SV2B: variants seen among roughly 807,000 people sequenced by gnomAD.
SV2B encodes synaptic vesicle glycoprotein 2B, also known as solute carrier family 22 member B2.
A neutral mutation model predicts 73.9 loss-of-function variants in SV2B; 41 were observed. That is an observed-to-expected ratio of 0.56 (90% CI 0.43 to 0.72). The LOEUF is 0.72. SV2B is among the 30% of genes least tolerant of loss of function. The pLI is 0.00. For synonymous variants in SV2B, 314 were observed against 314.2 expected, an observed-to-expected ratio of 1.00 and a Z score of 0.01; for missense variants, 764 against 857.8, an observed-to-expected ratio of 0.89 and a Z score of 1.37.
Position 91,294,264 on chromosome 15 carries a change from T to C in SV2B, c.*1712T>C, listed in dbSNP as rs1316514672. 6.6e-6 allele frequency: 1 copy of C among 152,240 alleles called. No homozygotes were observed. The highest frequency in any genetic ancestry group is 6.5e-5 in the Admixed American group (1 of 15,288). 9.4% of individuals were successfully genotyped at this position (152,240 alleles called of 1,614,324 possible). A position where few individuals can be genotyped will look rare whatever the true frequency, so the allele number is the denominator to read the frequency against. ...GCTTCGGGACATCTTTCTGTAATTT[T>C]CCTCAATTAACGGGTTGGTAGGGGT... On this transcript the variant is annotated 3_prime_UTR_variant, in exon 13 of 13. Coordinates refer to ENST00000394232, the MANE Select transcript of SV2B (RefSeq NM_001323032.3). The surrounding 1 kb of genome is among the most constrained non-coding windows in gnomAD (Gnocchi z 4.1).
At chr15:91,270,828 CCTGTGGATGATGGGG>C (rs2048273832) in intron 9 of SV2B, among the ~76,000 whole-genome samples, 4 of 115,604 alleles carry the variant, frequency 3.5e-5, no homozygotes, top group African/African-American at 1.5e-4. Flanking sequence ...GATGGTGAAT[CCTGTGGATGATGGGG>C]GGACGGTGAA....
At chr15:91,149,384 A>G (rs1417269206) in intron 1 of SV2B, among the ~76,000 whole-genome samples, 1 of 152,194 alleles carries the variant, frequency 6.6e-6, no homozygotes, top group Non-Finnish European at 1.5e-5. Flanking sequence ...TGATCCGTAA[A>G]TGCTTCTTGA....
chr15:91,125,080 GCCTTC>G (rs1171974673), intron 1 of SV2B, among the ~76,000 whole-genome samples: 3 of 152,156 alleles, frequency 2.0e-5, no homozygotes, highest in Non-Finnish European at 4.4e-5. Flanking sequence ...TGTTCACATA[GCCTTC>G]CCTTGGTGCA....
chr15:91,226,600 T>G lies in SV2B; in HGVS notation c.337T>G (p.Phe113Val). 6.2e-7 allele frequency: 1 copy of G among 1,614,182 alleles called. No homozygotes were observed. The highest frequency in any genetic ancestry group is 8.5e-7 in the Non-Finnish European group (1 of 1,180,010). The change falls in exon 2 of 13, where the codon TTC (phenylalanine) becomes GTC (valine). Residue 113 changes from phenylalanine to valine, a missense_variant. Phe to Val is a conservative substitution (Grantham distance 50, BLOSUM62 -1). Transcript: ENST00000394232. ...GHGRFQWILF[F>V]VLGLALMADG... ...TGGCCGCTTCCAGTGGATCCTCTTT[T>G]TCGTCTTGGGTTTGGCCCTGATGGC...
Position 91,139,459 on chromosome 15 carries a change from G to C in SV2B, c.-392+39096G>C, listed in dbSNP as rs537246623. ...CCACCCTTGAGCTAAAACCAGAGCTGGGAAATGGAGGCAGGGAGAGGTGTA... is the reference window on the plus strand; with the variant it reads ...CCACCCTTGAGCTAAAACCAGAGCTCGGAAATGGAGGCAGGGAGAGGTGTA... On this transcript the variant is annotated intron_variant, in intron 1 of 12. Transcript: ENST00000394232. This position sits in a 1 kb window ranked among gnomAD's most constrained non-coding sequence, Gnocchi z 5.2. Among the ~76,000 whole-genome samples, 4 of 152,168 alleles carry C rather than the reference G, an allele frequency of 2.6e-5. No homozygotes were observed. Among genetic ancestry groups the C allele is most frequent in the Non-Finnish European group, 4.4e-5 (3 of 68,030 alleles).
At chr15:91,166,765 TC>T (rs1405269891) in intron 1 of SV2B, among the ~76,000 whole-genome samples, 1 of 152,004 alleles carries the variant, frequency 6.6e-6, no homozygotes, top group Non-Finnish European at 1.5e-5. Context: ...GTTTATAATT[TC>T]AGTTATTGTA....
chr15:91,237,382 G>A (rs552332553), intron 2 of SV2B, among the ~76,000 whole-genome samples: 38 of 152,250 alleles, frequency 2.5e-4, no homozygotes, highest in South Asian at 2.1e-4. Context: ...AACCAGAAAC[G>A]TCTCCAGGTA....
chr15:91,266,545 G>A (rs2048107222), intron 6 of SV2B, 37 bp from the exon 7 acceptor site: 2 of 1,491,310 alleles, frequency 1.3e-6, no homozygotes, highest in Non-Finnish European at 1.9e-6. Flanking sequence ...ACACAAAGTG[G>A]GGTTCAAATT....
In SV2B at chr15:91,224,259, T is replaced by C. The variant is rs1469727377; in HGVS notation, c.-391-1614T>C. 1.3e-5 allele frequency among the ~76,000 whole-genome samples: 2 copies of C among 152,170 alleles called. No individual in the cohort carries two copies. Among genetic ancestry groups the C allele is most frequent in the Non-Finnish European group, 2.9e-5 (2 of 68,028 alleles). Reference sequence around the variant, plus strand: ...CTGAAAGGACAGTGGATTTCAGGTGTGACAGGGAGGCCTGTAAAGGTTGAT... The same window carrying C: ...CTGAAAGGACAGTGGATTTCAGGTGCGACAGGGAGGCCTGTAAAGGTTGAT... On this transcript the variant is annotated intron_variant, in intron 1 of 12. Transcript: ENST00000394232. The surrounding 1 kb of genome is among the most constrained non-coding windows in gnomAD (Gnocchi z 4.9).
In SV2B at chr15:91,195,304, C is replaced by T. The variant is rs150803471; in HGVS notation, c.-391-30569C>T. Among the ~76,000 whole-genome samples the T allele has an allele frequency of 3.2e-3, 491 of 152,232 alleles. 2 individuals are homozygous for T. The highest frequency in any genetic ancestry group is 0.011 in the African/African-American group (475 of 41,538). On this transcript the variant is annotated intron_variant, in intron 1 of 12. Transcript: ENST00000394232. ...TCCCGATTATGTGGGACCACAGGCA[C>T]ACACCACCATGCCCAGCTAATTTTT...
intron 4 of SV2B, among the ~76,000 whole-genome samples, chr15:91,255,386 C>A (rs1175707474): frequency 6.6e-6 from 1 of 152,082 alleles, no homozygotes; most frequent in Non-Finnish European, 1.5e-5. Flanking sequence ...AACTAAACAT[C>A]GTATGTTCTC....
Position 91,201,335 on chromosome 15 carries a change from A to G in SV2B, c.-391-24538A>G, listed in dbSNP as rs180729546. Among the ~76,000 whole-genome samples the G allele has an allele frequency of 1.2e-4, 18 of 152,298 alleles. No individual in the cohort carries two copies. In the South Asian group the frequency reaches 3.5e-3, roughly 30 times the overall value. The stretch of plus-strand genomic sequence containing the variant: ...GAGCCACTGTTCTAGATACTTTTAC[A>G]TGTATTTACTCATTTAAGCCTCATA... On this transcript the variant is annotated intron_variant, in intron 1 of 12. Transcript: ENST00000394232.
intron 12 of SV2B, among the ~76,000 whole-genome samples, chr15:91,292,111 AAAG>A (rs2049061825): frequency 6.6e-6 from 1 of 152,280 alleles, no homozygotes; most frequent in East Asian, 1.9e-4. Context: ...AAAAAACAAA[AAAG>A]AAAAACACTT....
Position 91,268,720 on chromosome 15 carries a change from G to A in SV2B, c.1373+115G>A. On this transcript the variant is annotated intron_variant, in intron 9 of 12. Transcript: ENST00000394232. The surrounding 1 kb of genome is among the most constrained non-coding windows in gnomAD (Gnocchi z 4.4). ...AATATGGCCGGGAATGAGCGCCAAG[G>A]CTGGTGTCATCATCACAACCTGTCA... The A allele has an allele frequency of 5.9e-6, 8 of 1,359,338 alleles. No individual in the cohort carries two copies. The highest frequency in any genetic ancestry group is 7.9e-6 in the Non-Finnish European group (8 of 1,007,096). The allele number at this position is 1,359,338 out of a possible 1,614,324, so 84.2% of individuals were successfully genotyped here.
chr15:91,153,567 G>T (rs975434328), intron 1 of SV2B, among the ~76,000 whole-genome samples: 1 of 152,106 alleles, frequency 6.6e-6, no homozygotes, highest in African/African-American at 2.4e-5. Context: ...AAAACTGTTA[G>T]CTCCATGTCT....
chr15:91,191,774 A>C (rs1487154054), intron 1 of SV2B, among the ~76,000 whole-genome samples: 2 of 152,214 alleles, frequency 1.3e-5, no homozygotes, highest in Admixed American at 6.5e-5. Context: ...TATTTTTCAA[A>C]ATACAACTTG....
chr15:91,155,711 A>C (rs1444736259), intron 1 of SV2B, among the ~76,000 whole-genome samples: 1 of 152,172 alleles, frequency 6.6e-6, no homozygotes, highest in Non-Finnish European at 1.5e-5. Context: ...ATGAAAAGAA[A>C]AAAAACTGGT....
chr15:91,282,620 G>A (rs935752712), intron 10 of SV2B, among the ~76,000 whole-genome samples: 2 of 152,160 alleles, frequency 1.3e-5, no homozygotes, highest in Non-Finnish European at 2.9e-5. Flanking sequence ...TCAAGGCCGT[G>A]GTTAGCAAGT....
intron 1 of SV2B, among the ~76,000 whole-genome samples, chr15:91,217,981 A>G (rs1161092264): frequency 6.6e-6 from 1 of 152,234 alleles, no homozygotes; most frequent in Non-Finnish European, 1.5e-5. Flanking sequence ...TATTGCTATG[A>G]CCATCTCAAT....
Sources: gnomAD v4.1 joint callset for allele counts (sites outside exome capture counted in the v4.1 genomes callset) on GRCh38, gnomAD v4.1.1 for gene constraint, Gnocchi (gnomAD v3.1) non-coding constraint, MANE v1.5 for transcripts, NCBI Gene and HGNC (gene_info 2026-07-23, HGNC 2026-07-21) for gene names.